Variants in GPR158 observed in about 807,000 individuals in gnomAD.
GPR158 encodes metabotropic glycine receptor.
In GPR158, 30 loss-of-function variants were observed where a neutral mutation model predicts 78.2. The observed-to-expected ratio is 0.38, with a 90% confidence interval of 0.29 to 0.52. The LOEUF is 0.52. Ranked by LOEUF, GPR158 falls within the 20% of genes least tolerant of loss-of-function variation. The pLI, the probability that GPR158 is intolerant of heterozygous loss-of-function variation, is 0.83. For missense variants in GPR158, 1,463 were observed against 1,523.5 expected (o/e 0.96, Z 0.66); for synonymous variants, 581 against 591.1 (o/e 0.98, Z 0.25).
chr10:25,228,208 G>A (rs542057985), intron 2 of GPR158, among the ~76,000 whole-genome samples: 5 of 152,248 alleles, frequency 3.3e-5, no homozygotes, highest in African/African-American at 1.2e-4. Context: ...CCAGAAGTTC[G>A]AGGCTGCAGT....
At chr10:25,399,994 C>A (rs1834418573) in intron 3 of GPR158, among the ~76,000 whole-genome samples, 1 of 152,130 alleles carries the variant, frequency 6.6e-6, no homozygotes, top group Non-Finnish European at 1.5e-5. Flanking sequence ...TAGCACAGTA[C>A]ATGGCATATA....
At position 25,589,014 on chromosome 10, in the gene GPR158, T is replaced by G; in HGVS notation, c.1761T>G (p.Phe587Leu). Reference protein sequence around the residue: ...RWDYMTAVAEFLFLLWGVYLC... With the variant: ...RWDYMTAVAELLFLLWGVYLC... ...GGTTTGTTATTTTCACAGCTGAATTTTTATTCCTCTTGTGGGGTGTTTATC... is the reference window on the plus strand; with the variant it reads ...GGTTTGTTATTTTCACAGCTGAATTGTTATTCCTCTTGTGGGGTGTTTATC... The change falls in exon 8 of 11, where the codon TTT (phenylalanine) becomes TTG (leucine). Residue 587 changes from phenylalanine (F) to leucine (L), a missense_variant. Phe to Leu is a conservative substitution (Grantham distance 22). Coordinates refer to ENST00000376351, the MANE Select transcript of GPR158 (RefSeq NM_020752.3). The G allele has an allele frequency of 6.4e-7, 1 of 1,554,904 alleles. No individual in the cohort carries two copies. Among genetic ancestry groups the G allele is most frequent in the Non-Finnish European group, 8.8e-7 (1 of 1,141,174 alleles).
At chr10:25,433,078 G>T (rs550501023) in intron 4 of GPR158, among the ~76,000 whole-genome samples, 2 of 152,100 alleles carry the variant, frequency 1.3e-5, no homozygotes, top group Non-Finnish European at 2.9e-5. Context: ...TTTTACATTT[G>T]AATAAACCCA....
chr10:25,249,877 A>G (rs1853765364), intron 2 of GPR158, among the ~76,000 whole-genome samples: 1 of 142,568 alleles, frequency 7.0e-6, no homozygotes, highest in Non-Finnish European at 1.5e-5. Flanking sequence ...GAATAGTTTC[A>G]GAAGGAATGG....
chr10:25,404,065 A>G (rs928212112), intron 3 of GPR158, among the ~76,000 whole-genome samples: 1 of 152,118 alleles, frequency 6.6e-6, no homozygotes, highest in Non-Finnish European at 1.5e-5. Context: ...TACTAGCTGC[A>G]TATGTTCTCT....
chr10:25,592,657 T>TA (rs1349020071), intron 8 of GPR158, among the ~76,000 whole-genome samples: 1 of 152,040 alleles, frequency 6.6e-6, no homozygotes, highest in Non-Finnish European at 1.5e-5. Flanking sequence ...TATTTTAAAT[T>TA]ATGTGCAAGC....
At chr10:25,292,180 G>C (rs1046590062) in intron 2 of GPR158, among the ~76,000 whole-genome samples, 2 of 151,920 alleles carry the variant, frequency 1.3e-5, no homozygotes. Flanking sequence ...ATAATAGACA[G>C]TGGTGGGGGT....
intron 2 of GPR158, among the ~76,000 whole-genome samples, chr10:25,252,482 A>C (rs1853819252): frequency 6.6e-6 from 1 of 150,858 alleles, no homozygotes; most frequent in African/African-American, 2.5e-5. Context: ...TGATGTACAG[A>C]GGGGTTTTTG....
chr10:25,599,450 A>G lies in GPR158; in HGVS notation c.*176A>G. 3 of 584,616 alleles carry G rather than the reference A, an allele frequency of 5.1e-6. No homozygotes were observed. The highest frequency in any genetic ancestry group is 6.2e-5 in the Admixed American group (2 of 32,320). The allele number at this position is 584,616 out of a possible 1,614,324, so 36.2% of individuals were successfully genotyped here. A position where few individuals can be genotyped will look rare whatever the true frequency, so the allele number is the denominator to read the frequency against. On this transcript the variant is annotated 3_prime_UTR_variant, in exon 11 of 11. Coordinates refer to ENST00000376351, the MANE Select transcript of GPR158 (RefSeq NM_020752.3). ...AGGGGGGCAAGAGCAACAACGTCATAATGGAGAAGTCAGACTTTGGTCAAG... is the reference window on the plus strand; with the variant it reads ...AGGGGGGCAAGAGCAACAACGTCATGATGGAGAAGTCAGACTTTGGTCAAG...
chr10:25,467,539 G>A (rs187587074), intron 5 of GPR158, among the ~76,000 whole-genome samples: 32 of 152,192 alleles, frequency 2.1e-4, no homozygotes, highest in African/African-American at 7.2e-4. Flanking sequence ...ATACTGTTAC[G>A]CCAGAGTCAG....
chr10:25,424,380 T>C (rs921040676), intron 4 of GPR158, among the ~76,000 whole-genome samples: 2 of 152,180 alleles, frequency 1.3e-5, no homozygotes, highest in Non-Finnish European at 2.9e-5. Context: ...AGAAGCTCTT[T>C]AGTTTAATTA....
chr10:25,461,792 G>C (rs1235835948), intron 4 of GPR158, among the ~76,000 whole-genome samples: 1 of 150,642 alleles, frequency 6.6e-6, no homozygotes, highest in East Asian at 2.0e-4. Context: ...GAGTGCAGTG[G>C]TGTGATCTTG....
At chr10:25,338,624 A>AT (rs1588808454) in intron 2 of GPR158, among the ~76,000 whole-genome samples, 1 of 148,014 alleles carries the variant, frequency 6.8e-6, no homozygotes, top group East Asian at 2.0e-4. Context: ...TCATATAAAT[A>AT]TATAAGCTCT....
Position 25,454,825 on chromosome 10 carries a change from C to T in GPR158, c.1336-11826C>T, listed in dbSNP as rs575051820. ...AGATTTGGACTGTTTAACTTATTCT[C>T]TAAATCATAGAAGAGACCATGTATT... On this transcript the variant is annotated intron_variant, in intron 4 of 10. Coordinates refer to ENST00000376351, the MANE Select transcript of GPR158 (RefSeq NM_020752.3). 4.3e-4 allele frequency among the ~76,000 whole-genome samples: 66 copies of T among 152,238 alleles called. 1 individual carries two copies. The South Asian group carries it at 0.013, about 31-fold the overall frequency.
intron 4 of GPR158, among the ~76,000 whole-genome samples, chr10:25,456,119 A>T (rs956279529): frequency 1.3e-5 from 2 of 152,196 alleles, no homozygotes; most frequent in Non-Finnish European, 2.9e-5. Context: ...CCTGTCAAAT[A>T]CAATACTGCT....
chr10:25,281,657 A>G (rs1854276755), intron 2 of GPR158, among the ~76,000 whole-genome samples: 1 of 152,136 alleles, frequency 6.6e-6, no homozygotes, highest in South Asian at 2.1e-4. Flanking sequence ...TTACTCCATA[A>G]TCACTTAAGG....
At chr10:25,211,268 T>C (rs1853125629) in intron 1 of GPR158, among the ~76,000 whole-genome samples, 1 of 152,204 alleles carries the variant, frequency 6.6e-6, no homozygotes, top group African/African-American at 2.4e-5. Context: ...TAACGATACC[T>C]GAGACTAGGT....
intron 2 of GPR158, among the ~76,000 whole-genome samples, chr10:25,287,869 G>A (rs574828361): frequency 3.3e-5 from 5 of 151,994 alleles, no homozygotes; most frequent in Admixed American, 1.3e-4. Flanking sequence ...TGCGTCCCAA[G>A]TAGAAGCTGG....
chr10:25,424,543 T>C (rs10828797), intron 4 of GPR158, among the ~76,000 whole-genome samples: 1 of 148,478 alleles, frequency 6.7e-6, no homozygotes, highest in Non-Finnish European at 1.5e-5. Context: ...TTTAATCCAT[T>C]TTGAATTAAT....
Sources: allele counts gnomAD v4.1 joint callset (sites outside exome capture counted in the v4.1 genomes callset), GRCh38; gene constraint gnomAD v4.1.1; transcripts MANE v1.5; gene names NCBI Gene and HGNC (gene_info 2026-07-23, HGNC 2026-07-21).